FANCL: variants seen among roughly 807,000 people sequenced by gnomAD.
FANCL encodes E3 ubiquitin-protein ligase FANCL.
Under a neutral mutation model 59.4 loss-of-function variants are expected in FANCL, and 69 were observed. The ratio of observed to expected loss-of-function variants is 1.16; its 90% CI spans 0.96 to 1.42. The LOEUF is 1.42. Ranked by LOEUF, FANCL falls within the 40% of genes most tolerant of loss-of-function variation. The pLI is 0.00. For missense variants in FANCL, 519 were observed against 447.2 expected (o/e 1.16, Z -1.45); for synonymous variants, 180 against 147.1 (o/e 1.22, Z -1.62).
chr2:58,170,385 C>T (rs768838648), intron 7 of FANCL, among the ~76,000 whole-genome samples: 1 of 152,116 alleles, frequency 6.6e-6, no homozygotes, highest in South Asian at 2.1e-4. Context: ...TCCTGAAGGA[C>T]GCGTGAAATA....
intron 7 of FANCL, among the ~76,000 whole-genome samples, chr2:58,179,115 C>T (rs569084618): frequency 6.6e-6 from 1 of 152,180 alleles, no homozygotes; most frequent in Non-Finnish European, 1.5e-5. Context: ...ATTCCATATT[C>T]ATGGATAGGA....
At chr2:58,178,994 C>T (rs887832684) in intron 7 of FANCL, among the ~76,000 whole-genome samples, 11 of 151,820 alleles carry the variant, frequency 7.2e-5, no homozygotes, top group East Asian at 3.9e-4. Flanking sequence ...TGCTTCAAAG[C>T]GAAGAAAATA....
At chr2:58,216,655 G>C (rs759388980) in intron 5 of FANCL, among the ~76,000 whole-genome samples, 1 of 152,096 alleles carries the variant, frequency 6.6e-6, no homozygotes, top group Non-Finnish European at 1.5e-5. Flanking sequence ...TTTTCAAAAA[G>C]TATTAGGGAT....
At chr2:58,176,757 A>G (rs1187565996) in intron 7 of FANCL, among the ~76,000 whole-genome samples, 2 of 152,194 alleles carry the variant, frequency 1.3e-5, no homozygotes, top group South Asian at 4.1e-4. Context: ...AAGCAATGGC[A>G]ACAAAAGCCA....
rs184497995 is a variant in FANCL, at chr2:58,160,319, G to A, written c.1021-140C>T. 2.4e-3 allele frequency: 2,019 copies of A among 837,360 alleles called. 45 individuals are homozygous for A. In the South Asian group the frequency reaches 0.028, roughly 12 times the overall value. The allele number at this position is 837,360 out of a possible 1,614,324, so 51.9% of individuals were successfully genotyped here. A position where few individuals can be genotyped will look rare whatever the true frequency, so the allele number is the denominator to read the frequency against. Reference sequence around the variant, plus strand: ...CTTAATTTTGTTTTGCAAGAGTAAGGGATGTATTTCCTGAGCCAATAGCAG... The same window carrying A: ...CTTAATTTTGTTTTGCAAGAGTAAGAGATGTATTTCCTGAGCCAATAGCAG... On this transcript the variant is annotated intron_variant, in intron 12 of 13. Transcript: ENST00000233741.
intron 7 of FANCL, among the ~76,000 whole-genome samples, chr2:58,174,496 G>A (rs989496238): frequency 2.0e-5 from 3 of 152,070 alleles, no homozygotes; most frequent in Non-Finnish European, 4.4e-5. Context: ...ACTCAAAACC[G>A]CTCATCTACA....
At chr2:58,166,819 C>T (rs1484900965) in intron 7 of FANCL, among the ~76,000 whole-genome samples, 2 of 152,200 alleles carry the variant, frequency 1.3e-5, no homozygotes, top group Non-Finnish European at 2.9e-5. Context: ...TTAAGGAAAA[C>T]CCATCCCATT....
chr2:58,175,992 G>A (rs972925841), intron 7 of FANCL, among the ~76,000 whole-genome samples: 6 of 151,916 alleles, frequency 3.9e-5, no homozygotes, highest in Non-Finnish European at 8.8e-5. Context: ...ACTAATAACA[G>A]ACAAACAGCC....
chr2:58,165,939 T>G, intron 7 of FANCL, 65 bp from the exon 8 acceptor site: 2 of 1,519,326 alleles, frequency 1.3e-6, no homozygotes, highest in Non-Finnish European at 1.8e-6. Context: ...AATCTTTTAC[T>G]TAAAATACAC....
chr2:58,188,567 A>T (rs1346611222), intron 7 of FANCL, among the ~76,000 whole-genome samples: 3 of 151,934 alleles, frequency 2.0e-5, no homozygotes, highest in Admixed American at 6.6e-5. Context: ...CCTCCTGAGT[A>T]GCTGGGGGAC....
chr2:58,223,390 T>A (rs1692675864), intron 4 of FANCL, among the ~76,000 whole-genome samples: 1 of 151,986 alleles, frequency 6.6e-6, no homozygotes, highest in Non-Finnish European at 1.5e-5. Context: ...GTATAGTACT[T>A]CTTTCAAGAT....
At chr2:58,222,754 T>C (rs1354508196) in intron 4 of FANCL, among the ~76,000 whole-genome samples, 3 of 152,098 alleles carry the variant, frequency 2.0e-5, no homozygotes, top group Non-Finnish European at 2.9e-5. Context: ...CCAACCTAGA[T>C]AGACAGCTTA....
chr2:58,205,717 T>A (rs1041289974), intron 5 of FANCL, among the ~76,000 whole-genome samples: 7 of 151,966 alleles, frequency 4.6e-5, no homozygotes, highest in African/African-American at 1.7e-4. Flanking sequence ...CACTGGCTGA[T>A]AAAACAGAAA....
chr2:58,174,589 A>G (rs1687072921), intron 7 of FANCL, among the ~76,000 whole-genome samples: 2 of 152,200 alleles, frequency 1.3e-5, no homozygotes, highest in African/African-American at 4.8e-5. Context: ...TTTGAAACCA[A>G]CGAGAACAAA....
chr2:58,194,185 T>C (rs1428425405), intron 7 of FANCL: 2 of 470,720 alleles, frequency 4.2e-6, no homozygotes, highest in Non-Finnish European at 8.8e-6. Context: ...CAACTGCCCA[T>C]GGCAAGAATA....
intron 6 of FANCL, among the ~76,000 whole-genome samples, chr2:58,200,184 G>A (rs1174264723): frequency 6.6e-6 from 1 of 151,752 alleles, no homozygotes; most frequent in Non-Finnish European, 1.5e-5. Flanking sequence ...ATCAGATGAT[G>A]TGCTTCAGAG....
chr2:58,233,239 A>G (rs917671958), intron 1 of FANCL, among the ~76,000 whole-genome samples: 1 of 118,694 alleles, frequency 8.4e-6, no homozygotes, highest in East Asian at 2.1e-4. Context: ...CACGAAAAAT[A>G]GAAGAACTAT....
intron 7 of FANCL, among the ~76,000 whole-genome samples, chr2:58,196,009 T>C (rs933491422): frequency 5.9e-5 from 9 of 152,144 alleles, no homozygotes; most frequent in Admixed American, 4.6e-4. Flanking sequence ...ACCTTATCAG[T>C]AGTGCTACAG....
chr2:58,221,939 T>C lies in FANCL; in HGVS notation c.374+3A>G, dbSNP rs999309828. 5.6e-6 allele frequency: 9 copies of C among 1,596,420 alleles called. No individual in the cohort carries two copies. Among genetic ancestry groups the C allele is most frequent in the Non-Finnish European group, 7.7e-6 (9 of 1,164,116 alleles). ...TTTAAAACATATTTTAAAACAGACA[T>C]ACTTATCCCAACCAAGAGTTCCTAT... On this transcript the variant is annotated splice_donor_region_variant and intron_variant, in intron 5 of 13. Transcript: ENST00000233741.
Sources: gnomAD v4.1 joint callset for allele counts (sites outside exome capture counted in the v4.1 genomes callset) on GRCh38, gnomAD v4.1.1 for gene constraint, MANE v1.5 for transcripts, NCBI Gene and HGNC (gene_info 2026-07-23, HGNC 2026-07-21) for gene names.